The following PTPRO variants were observed in gnomAD, a reference collection of about 807,000 sequenced individuals.
PTPRO encodes the protein protein tyrosine phosphatase receptor type O.
In PTPRO, 62 loss-of-function variants were observed where a neutral mutation model predicts 145.2. The ratio of observed to expected loss-of-function variants is 0.43; its 90% confidence interval spans 0.35 to 0.53. PTPRO has a LOEUF of 0.53. PTPRO is among the 20% of genes least tolerant of loss of function. PTPRO has a pLI of 0.01. For missense variants in PTPRO, 1,345 were observed against 1,482.7 expected, an observed-to-expected ratio of 0.91 and a Z score of 1.53; for synonymous variants, 565 against 514.7, an observed-to-expected ratio of 1.10 and a Z score of -1.32.
intron 6 of PTPRO, among the ~76,000 whole-genome samples, chr12:15,505,933 T>C (rs146545067): frequency 3.0e-4 from 46 of 152,320 alleles, no homozygotes; most frequent in African/African-American, 1.0e-3. Context: ...AGACTGCCAA[T>C]AGCCTTATGA....
chr12:15,405,621 T>C (rs1223741546), intron 1 of PTPRO, among the ~76,000 whole-genome samples: 3 of 152,178 alleles, frequency 2.0e-5, no homozygotes, highest in Non-Finnish European at 4.4e-5. Flanking sequence ...TATTACTCTT[T>C]GCACAAAAAA....
intron 1 of PTPRO, among the ~76,000 whole-genome samples, chr12:15,389,416 A>T (rs1939127135): frequency 6.6e-6 from 1 of 152,076 alleles, no homozygotes; most frequent in African/African-American, 2.4e-5. Flanking sequence ...CTCTCCAGGG[A>T]ATCTTTAAAT....
At chr12:15,377,356 T>C (rs1938719071) in intron 1 of PTPRO, among the ~76,000 whole-genome samples, 2 of 151,914 alleles carry the variant, frequency 1.3e-5, no homozygotes, top group Admixed American at 6.6e-5. Context: ...AACTCTCTAA[T>C]AAAAAGGCAA....
intron 6 of PTPRO, among the ~76,000 whole-genome samples, chr12:15,506,718 C>T (rs531501920): frequency 4.6e-5 from 7 of 152,218 alleles, no homozygotes; most frequent in South Asian, 2.1e-4. Flanking sequence ...GTCCCTCCCT[C>T]GACAAGTGGG....
intron 1 of PTPRO, among the ~76,000 whole-genome samples, chr12:15,359,657 G>A (rs1004876892): frequency 6.6e-6 from 1 of 151,834 alleles, no homozygotes; most frequent in Non-Finnish European, 1.5e-5. Flanking sequence ...TCTTGTGTGC[G>A]GATCAAGTGA....
In PTPRO at chr12:15,581,792, G is replaced by A. The variant is rs772842917; in HGVS notation, c.3246G>A (p.Arg1082=). The A allele has an allele frequency of 2.9e-5, 47 of 1,613,762 alleles. No homozygotes were observed. The highest frequency in any genetic ancestry group is 4.0e-5 in the Non-Finnish European group (47 of 1,179,868). The change falls in exon 23 of 27, where the codon CGG becomes CGA. Residue 1082 remains arginine (R), a synonymous_variant. Coordinates refer to ENST00000281171, the MANE Select transcript of PTPRO (RefSeq NM_030667.3). Reference sequence around the variant, plus strand: ...ACGACTGGGCCTGTAGACACTTCCGGATCAACTATGTAAGTCACCAGGCAG... The same window carrying A: ...ACGACTGGGCCTGTAGACACTTCCGAATCAACTATGTAAGTCACCAGGCAG... ...EQDDWACRHF[R]INYADEMQDV... is the part of the protein sequence containing the mutation.
chr12:15,589,771 T>C (rs1944508200), intron 25 of PTPRO, among the ~76,000 whole-genome samples, 181 bp downstream of exon 25: 1 of 152,186 alleles, frequency 6.6e-6, no homozygotes, highest in Non-Finnish European at 1.5e-5. Flanking sequence ...CCTCCAGAAA[T>C]CCATTCGACA....
chr12:15,413,172 C>T (rs545146811), intron 1 of PTPRO, among the ~76,000 whole-genome samples: 13 of 152,156 alleles, frequency 8.5e-5, no homozygotes, highest in Non-Finnish European at 1.9e-4. Flanking sequence ...CTCACTGCAA[C>T]CTCTGCCCCC....
intron 1 of PTPRO, among the ~76,000 whole-genome samples, chr12:15,451,375 A>G (rs1941042434): frequency 6.6e-6 from 1 of 152,168 alleles, no homozygotes; most frequent in Non-Finnish European, 1.5e-5. Context: ...GAAATGAGAT[A>G]GACAGCAGCA....
chr12:15,356,941 T>C (rs911446238), intron 1 of PTPRO, among the ~76,000 whole-genome samples: 2 of 152,166 alleles, frequency 1.3e-5, no homozygotes, highest in Non-Finnish European at 2.9e-5. Context: ...ATGCTGTAGA[T>C]AATTGCTGTT....
chr12:15,569,550 T>G (rs1390022053), intron 19 of PTPRO, 52 bp downstream of exon 19: 3 of 1,495,342 alleles, frequency 2.0e-6, no homozygotes. Context: ...GGCCTGGGAA[T>G]TGGGGGGTTT....
In PTPRO at chr12:15,597,916, C is replaced by G. The variant is rs1241629982; in HGVS notation, c.*1843C>G. 2.0e-5 allele frequency among the ~76,000 whole-genome samples: 3 copies of G among 152,148 alleles called. No homozygotes were observed. Among genetic ancestry groups the G allele is most frequent in the Non-Finnish European group, 4.4e-5 (3 of 68,028 alleles). On this transcript the variant is annotated 3_prime_UTR_variant, in exon 27 of 27. Coordinates refer to ENST00000281171, the MANE Select transcript of PTPRO (RefSeq NM_030667.3). ...TCTTAGATTTTCACACATGGGCAGT[C>G]AGGAGTGAAATGTGCAACCTTGGAA...
chr12:15,515,953 G>GTTTTTTT (rs887019648), intron 8 of PTPRO, among the ~76,000 whole-genome samples: 1 of 104,400 alleles, frequency 9.6e-6, no homozygotes, highest in Admixed American at 9.1e-5. Flanking sequence ...GAAGTTGTTT[G>GTTTTTTT]TTTTTTTTGT....
At chr12:15,524,340 A>G (rs1281165380) in intron 10 of PTPRO, among the ~76,000 whole-genome samples, 4 of 152,084 alleles carry the variant, frequency 2.6e-5, no homozygotes, top group Admixed American at 1.3e-4. Flanking sequence ...ATGATCTTCT[A>G]TCTTCCTACC....
intron 1 of PTPRO, among the ~76,000 whole-genome samples, chr12:15,326,255 G>A (rs892099712): frequency 5.3e-5 from 8 of 152,124 alleles, no homozygotes; most frequent in African/African-American, 1.7e-4. Context: ...CCATCACAAT[G>A]AAGTTTGCTG....
chr12:15,370,977 C>T (rs1327673249), intron 1 of PTPRO, among the ~76,000 whole-genome samples: 2 of 152,092 alleles, frequency 1.3e-5, no homozygotes, highest in African/African-American at 4.8e-5. Context: ...TATCCAACAA[C>T]ATGGATAATG....
At chr12:15,376,449 C>A (rs994183234) in intron 1 of PTPRO, among the ~76,000 whole-genome samples, 2 of 152,114 alleles carry the variant, frequency 1.3e-5, no homozygotes, top group African/African-American at 4.8e-5. Context: ...GCAAGATTTA[C>A]TAAAGGGAGA....
At chr12:15,402,651 A>G (rs1217062045) in intron 1 of PTPRO, among the ~76,000 whole-genome samples, 3 of 152,122 alleles carry the variant, frequency 2.0e-5, no homozygotes, top group Non-Finnish European at 4.4e-5. Flanking sequence ...TATTGTTCAA[A>G]TTTTATAAAT....
At chr12:15,327,512 C>T (rs1194087113) in intron 1 of PTPRO, among the ~76,000 whole-genome samples, 1 of 152,140 alleles carries the variant, frequency 6.6e-6, no homozygotes, top group African/African-American at 2.4e-5. Flanking sequence ...TTTTGTCAGA[C>T]ATCACCCTTA....
Sources: gnomAD v4.1 joint callset for allele counts (sites outside exome capture counted in the v4.1 genomes callset) on GRCh38, gnomAD v4.1.1 for gene constraint, MANE v1.5 for transcripts, NCBI Gene and HGNC (gene_info 2026-07-23, HGNC 2026-07-21) for gene names.